The following PALM2AKAP2 variants were observed in gnomAD, a reference collection of about 807,000 sequenced individuals.
PALM2AKAP2 encodes the protein PALM2 and AKAP2 fusion, also known as PALM2-AKAP2 fusion protein.
Under a neutral mutation model 71.5 loss-of-function variants are expected in PALM2AKAP2, and 37 were observed. The observed-to-expected ratio is 0.52, with a 90% CI of 0.40 to 0.68. PALM2AKAP2 has a LOEUF of 0.68. PALM2AKAP2 is among the 30% of genes least tolerant of loss of function. The probability of loss-of-function intolerance (pLI) is 0.00; values close to 1 mark genes in which losing one functional copy is unlikely to be tolerated. For synonymous variants in PALM2AKAP2, 468 were observed against 478.8 expected, an observed-to-expected ratio of 0.98 and a Z score of 0.29; for missense variants, 1,224 against 1,191.8, an observed-to-expected ratio of 1.03 and a Z score of -0.40.
chr9:110,142,268 T>C (rs1415157210), intron 2 of PALM2AKAP2, among the ~76,000 whole-genome samples: 1 of 152,028 alleles, frequency 6.6e-6, no homozygotes, highest in African/African-American at 2.4e-5. Flanking sequence ...TTTGTATTTT[T>C]AGTAGAGACA....
chr9:110,082,665 A>G (rs542714293), intron 1 of PALM2AKAP2, among the ~76,000 whole-genome samples: 1 of 152,362 alleles, frequency 6.6e-6, no homozygotes, highest in Admixed American at 6.5e-5. Flanking sequence ...TAAATGATAC[A>G]AAGAGAATTT....
intron 1 of PALM2AKAP2, among the ~76,000 whole-genome samples, chr9:109,679,644 A>G (rs1564110416): frequency 1.3e-5 from 2 of 152,178 alleles, no homozygotes; most frequent in Non-Finnish European, 2.9e-5. Flanking sequence ...ATGGAATTCT[A>G]AAGCTCAAAA....
At chr9:110,018,554 C>T (rs1833021010) in intron 7 of PALM2AKAP2, among the ~76,000 whole-genome samples, 1 of 152,008 alleles carries the variant, frequency 6.6e-6, no homozygotes, top group Non-Finnish European at 1.5e-5. Flanking sequence ...TGGTCTGAAA[C>T]TCCTGGCCTC....
chr9:110,091,249 A>G (rs1834698144), intron 1 of PALM2AKAP2, among the ~76,000 whole-genome samples: 1 of 152,124 alleles, frequency 6.6e-6, no homozygotes. Flanking sequence ...TTTCAAGTCC[A>G]CAAAGATCAG....
intron 6 of PALM2AKAP2, among the ~76,000 whole-genome samples, chr9:109,978,700 T>C (rs946748452): frequency 6.6e-6 from 1 of 152,222 alleles, no homozygotes; most frequent in African/African-American, 2.4e-5. Context: ...TCTGGGTCTG[T>C]AAGTGGAGAC....
intron 1 of PALM2AKAP2, among the ~76,000 whole-genome samples, chr9:109,759,432 A>T (rs1312879831): frequency 6.6e-6 from 1 of 152,196 alleles, no homozygotes; most frequent in Non-Finnish European, 1.5e-5. Context: ...GGTGCAAGAT[A>T]GTGTGAATCA....
intron 7 of PALM2AKAP2, among the ~76,000 whole-genome samples, chr9:110,023,163 C>T (rs1472017075): frequency 6.6e-6 from 1 of 151,546 alleles, no homozygotes; most frequent in Non-Finnish European, 1.5e-5. Context: ...CACTGACTTC[C>T]ACAATGGTTG....
At chr9:109,956,912 A>G (rs79905427) in intron 6 of PALM2AKAP2, among the ~76,000 whole-genome samples, 1 of 152,200 alleles carries the variant, frequency 6.6e-6, no homozygotes, top group African/African-American at 2.4e-5. Flanking sequence ...CTTAAAAAAA[A>G]TAAAAATCCC....
chr9:110,065,092 G>A (rs1256568514), intron 1 of PALM2AKAP2, among the ~76,000 whole-genome samples: 1 of 152,212 alleles, frequency 6.6e-6, no homozygotes, highest in Non-Finnish European at 1.5e-5. Flanking sequence ...ATGACTTTCT[G>A]GTGGAGGGCC....
chr9:109,667,928 G>GTTTTTTT (rs1213195298), intron 1 of PALM2AKAP2, among the ~76,000 whole-genome samples: 2 of 56,614 alleles, frequency 3.5e-5, no homozygotes, highest in Non-Finnish European at 6.3e-5. Context: ...GATGGCTTTG[G>GTTTTTTT]TTTTTTTTTT....
At chr9:109,930,516 G>A (rs926380313) in intron 5 of PALM2AKAP2, among the ~76,000 whole-genome samples, 1 of 152,128 alleles carries the variant, frequency 6.6e-6, no homozygotes, top group Admixed American at 6.6e-5. Flanking sequence ...ATGAGCCACC[G>A]CGCCCGGCGA....
intron 6 of PALM2AKAP2, among the ~76,000 whole-genome samples, chr9:110,005,089 G>C (rs1262831528): frequency 6.6e-6 from 1 of 152,212 alleles, no homozygotes; most frequent in Non-Finnish European, 1.5e-5. Context: ...TCCTTTGGGG[G>C]AGGAGAGGTG....
intron 1 of PALM2AKAP2, among the ~76,000 whole-genome samples, chr9:110,093,296 A>G (rs1834759030): frequency 6.6e-6 from 1 of 152,146 alleles, no homozygotes; most frequent in Non-Finnish European, 1.5e-5. Context: ...GTGAGATGTA[A>G]TATTTTGGGA....
intron 3 of PALM2AKAP2, among the ~76,000 whole-genome samples, chr9:109,920,650 A>G (rs1479416622): frequency 6.6e-6 from 1 of 152,106 alleles, no homozygotes; most frequent in Non-Finnish European, 1.5e-5. Context: ...AAGTGCTGAG[A>G]TTACAGGCAT....
At chr9:109,657,962 G>GTA (rs1216602810) in intron 1 of PALM2AKAP2, among the ~76,000 whole-genome samples, 9 of 151,808 alleles carry the variant, frequency 5.9e-5, no homozygotes, top group Non-Finnish European at 2.9e-5. Flanking sequence ...GTGTGTGTGT[G>GTA]TGTGTGTGTG....
At chr9:109,911,021 G>A (rs1401077096) in intron 3 of PALM2AKAP2, among the ~76,000 whole-genome samples, 1 of 152,112 alleles carries the variant, frequency 6.6e-6, no homozygotes, top group South Asian at 2.1e-4. Context: ...AAGACACAGG[G>A]GAGAGGGGAT....
intron 3 of PALM2AKAP2, among the ~76,000 whole-genome samples, chr9:109,892,651 A>G (rs61296988): frequency 0.038 from 5,740 of 152,232 alleles, 119 homozygotes; most frequent in Middle Eastern, 0.075. Context: ...AGATGGTATA[A>G]GGCAGTGGTT....
intron 1 of PALM2AKAP2, among the ~76,000 whole-genome samples, chr9:109,797,245 G>A (rs1004190840): frequency 6.6e-6 from 1 of 152,216 alleles, no homozygotes; most frequent in Non-Finnish European, 1.5e-5. Flanking sequence ...GGGAAGGGAA[G>A]CTTCTAGGCC....
At chr9:109,827,335 G>A (rs1828177779) in intron 1 of PALM2AKAP2, among the ~76,000 whole-genome samples, 1 of 152,172 alleles carries the variant, frequency 6.6e-6, no homozygotes, top group Non-Finnish European at 1.5e-5. Flanking sequence ...ATGAGTTATG[G>A]CCAGACGCGG....
Sources: gnomAD v4.1 joint callset for allele counts (sites outside exome capture counted in the v4.1 genomes callset) on GRCh38, gnomAD v4.1.1 for gene constraint, MANE v1.5 for transcripts, NCBI Gene and HGNC (gene_info 2026-07-23, HGNC 2026-07-21) for gene names.